NAV2: variants seen among roughly 807,000 people sequenced by gnomAD.
The protein encoded by NAV2 is helicase, APC down-regulated 1.
A neutral mutation model predicts 223.2 loss-of-function variants in NAV2; 54 were observed. The observed-to-expected ratio is 0.24, with a 90% confidence interval of 0.19 to 0.30. The LOEUF (loss-of-function observed/expected upper bound fraction) is 0.30, where lower values mean the gene tolerates loss of function less well. Ranked by LOEUF, NAV2 falls within the 10% of genes least tolerant of loss-of-function variation. The pLI is 1.00. For synonymous variants in NAV2, 1,279 were observed against 1,239.3 expected (o/e 1.03, Z -0.67); for missense variants, 2,806 against 3,147.5 (o/e 0.89, Z 2.60).
intron 1 of NAV2, among the ~76,000 whole-genome samples, chr11:19,634,815 T>C (rs2047445518): frequency 6.6e-6 from 1 of 152,144 alleles, no homozygotes; most frequent in Admixed American, 6.5e-5. Flanking sequence ...GAAAACAAGA[T>C]AGGCTTCCCA....
chr11:19,383,017 A>G (rs760197167), intron 1 of NAV2, among the ~76,000 whole-genome samples: 39 of 152,338 alleles, frequency 2.6e-4, no homozygotes, highest in Non-Finnish European at 2.4e-4. Flanking sequence ...GTCTGACTCC[A>G]GGGTATCTAC....
chr11:19,982,232 G>A (rs1248813679), intron 10 of NAV2, among the ~76,000 whole-genome samples: 5 of 140,016 alleles, frequency 3.6e-5, no homozygotes, highest in African/African-American at 8.4e-5. Context: ...ATTTATTTTT[G>A]GGGTTTTCTT....
chr11:19,747,157 C>T (rs1401495489), intron 1 of NAV2, among the ~76,000 whole-genome samples: 4 of 148,574 alleles, frequency 2.7e-5, no homozygotes, highest in Non-Finnish European at 4.5e-5. Flanking sequence ...GGTTTTTTGT[C>T]CTTGCGATAG....
chr11:19,511,657 G>A (rs1043281168), intron 1 of NAV2: 4 of 152,208 alleles, frequency 2.6e-5, no homozygotes, highest in Non-Finnish European at 5.9e-5. Context: ...ACTTCTCACT[G>A]AGCAGTAATT....
intron 10 of NAV2, among the ~76,000 whole-genome samples, chr11:19,977,131 G>A (rs573775742): frequency 1.3e-5 from 2 of 152,182 alleles, no homozygotes; most frequent in South Asian, 2.1e-4. Flanking sequence ...CTCTGTCAGC[G>A]GTTGTTGGAA....
intron 1 of NAV2, among the ~76,000 whole-genome samples, chr11:19,537,479 G>C (rs1379864657): frequency 6.6e-6 from 1 of 152,186 alleles, no homozygotes; most frequent in African/African-American, 2.4e-5. Flanking sequence ...TCAAACCCAA[G>C]TCTACCAAGA....
chr11:20,115,630 T>TG lies in NAV2; in HGVS notation c.7164+835_7164+836insG, dbSNP rs2063012647. On this transcript the variant is annotated intron_variant, in intron 37 of 37. Transcript: ENST00000349880. ...CTGGGCAACAGAGCAAGACTCCGTCTCAAAAAAAAAAAAAAAAAAAAAAAA... is the reference window on the plus strand; with the variant it reads ...CTGGGCAACAGAGCAAGACTCCGTCTGCAAAAAAAAAAAAAAAAAAAAAAAA... 2.5e-3 allele frequency among the ~76,000 whole-genome samples: 10 copies of TG among 3,988 alleles called. No homozygotes were observed. In the Admixed American group the frequency reaches 0.029, roughly 11 times the overall value. 2.6% of individuals were successfully genotyped at this position (3,988 alleles called of 152,430 possible).
chr11:19,662,939 A>G (rs898722902), intron 1 of NAV2, among the ~76,000 whole-genome samples: 1 of 152,174 alleles, frequency 6.6e-6, no homozygotes, highest in Non-Finnish European at 1.5e-5. Context: ...CTTGAGTGCC[A>G]CATTCCATGC....
intron 1 of NAV2, among the ~76,000 whole-genome samples, chr11:19,616,189 C>G (rs1023756055): frequency 6.6e-6 from 1 of 151,904 alleles, no homozygotes. Flanking sequence ...GCCTACATGT[C>G]CTTCTTGGAG....
At chr11:20,101,580 C>T (rs1427577913) in intron 32 of NAV2, among the ~76,000 whole-genome samples, 1 of 152,222 alleles carries the variant, frequency 6.6e-6, no homozygotes, top group Non-Finnish European at 1.5e-5. Flanking sequence ...CAAACACCTT[C>T]TCACAGCAAT....
At chr11:19,812,781 C>A (rs1053049038) in intron 1 of NAV2, among the ~76,000 whole-genome samples, 27 of 151,968 alleles carry the variant, frequency 1.8e-4, no homozygotes, top group African/African-American at 5.8e-4. Context: ...TCATAGCAGG[C>A]CACTCTGGAT....
chr11:19,682,843 C>T (rs1256768469), intron 1 of NAV2, among the ~76,000 whole-genome samples: 1 of 152,140 alleles, frequency 6.6e-6, no homozygotes, highest in Non-Finnish European at 1.5e-5. Context: ...CACCAGGCCC[C>T]ATCTCCAACA....
chr11:19,662,421 A>T (rs1051688733), intron 1 of NAV2, among the ~76,000 whole-genome samples: 1 of 152,250 alleles, frequency 6.6e-6, no homozygotes, highest in Non-Finnish European at 1.5e-5. Flanking sequence ...GAAACACCTG[A>T]TAGAAACTGG....
chr11:19,862,078 G>A (rs2061825646), intron 3 of NAV2, among the ~76,000 whole-genome samples: 1 of 152,244 alleles, frequency 6.6e-6, no homozygotes, highest in South Asian at 2.1e-4. Flanking sequence ...GCACTTGGAA[G>A]CAAAGTGGAA....
intron 1 of NAV2, among the ~76,000 whole-genome samples, chr11:19,702,847 G>T (rs983086787): frequency 6.8e-6 from 1 of 146,804 alleles, no homozygotes; most frequent in Admixed American, 6.8e-5. Flanking sequence ...TAAATAAAAG[G>T]TTAAAACAAA....
At chr11:20,015,154 T>A (rs181107996) in intron 11 of NAV2, among the ~76,000 whole-genome samples, 2 of 152,116 alleles carry the variant, frequency 1.3e-5, no homozygotes, top group South Asian at 2.1e-4. Flanking sequence ...CTTCTTTGGG[T>A]TTTTTTCCTG....
chr11:19,936,274 A>C (rs578122640), intron 7 of NAV2, among the ~76,000 whole-genome samples: 48 of 152,340 alleles, frequency 3.2e-4, no homozygotes, highest in African/African-American at 1.1e-3. Context: ...CAGGATTCAC[A>C]GCTTCTCAAT....
chr11:19,409,334 A>C (rs1835593697), intron 1 of NAV2, among the ~76,000 whole-genome samples: 1 of 152,170 alleles, frequency 6.6e-6, no homozygotes, highest in Non-Finnish European at 1.5e-5. Context: ...TAATTTAAGC[A>C]TTGTTTTTCT....
chr11:20,099,782 G>A (rs1306133976), intron 31 of NAV2, among the ~76,000 whole-genome samples: 4 of 152,130 alleles, frequency 2.6e-5, no homozygotes, highest in Admixed American at 6.5e-5. Flanking sequence ...GCAGAAGACC[G>A]AAACAGAGCA....
Sources: allele counts gnomAD v4.1 joint callset (sites outside exome capture counted in the v4.1 genomes callset), GRCh38; gene constraint gnomAD v4.1.1; transcripts MANE v1.5; gene names NCBI Gene and HGNC (gene_info 2026-07-23, HGNC 2026-07-21).